The following SH2D4A variants were observed in gnomAD, a reference collection of about 807,000 sequenced individuals.
SH2D4A encodes the protein SH2 domain-containing protein 4A.
Under a neutral mutation model 64.7 loss-of-function variants are expected in SH2D4A, and 70 were observed. That is an observed-to-expected ratio of 1.08 (90% CI 0.89 to 1.32). The LOEUF (loss-of-function observed/expected upper bound fraction) is 1.32, where lower values mean the gene tolerates loss of function less well. Among genes scored for constraint, SH2D4A ranks in the 40% most tolerant of loss-of-function variants. The pLI, the probability that SH2D4A is intolerant of heterozygous loss-of-function variation, is 0.00. For missense variants in SH2D4A, 706 were observed against 540.1 expected (o/e 1.31, Z -3.04); for synonymous variants, 268 against 200.7 (o/e 1.34, Z -2.83).
At chr8:19,339,716 G>T (rs2052497682) in intron 4 of SH2D4A, among the ~76,000 whole-genome samples, 1 of 151,952 alleles carries the variant, frequency 6.6e-6, no homozygotes, top group Non-Finnish European at 1.5e-5. Context: ...GCCCAGGCTG[G>T]TCTTAAACTC....
At chr8:19,350,397 C>T (rs142138197) in intron 4 of SH2D4A, among the ~76,000 whole-genome samples, 12 of 152,314 alleles carry the variant, frequency 7.9e-5, no homozygotes, top group Admixed American at 5.2e-4. Context: ...TATTGTTCAT[C>T]GAATATGACT....
intron 4 of SH2D4A, among the ~76,000 whole-genome samples, chr8:19,346,650 C>CA (rs1404990426): frequency 6.6e-6 from 1 of 152,132 alleles, no homozygotes; most frequent in South Asian, 2.1e-4. Flanking sequence ...TCGCCGATGC[C>CA]AAAAAGGTAG....
Position 19,331,572 on chromosome 8 carries a change from AG to A in SH2D4A, c.182-1380del, listed in dbSNP as rs2052365729. ...CTAACCTGGAGGCCAATTGTAAACA[AG>A]GGTTATTTAAGTAGCTTCACCAAGT... On this transcript the variant is annotated intron_variant, in intron 2 of 9. Transcript: ENST00000265807. Among the ~76,000 whole-genome samples, 19 of 152,328 alleles carry A rather than the reference AG, an allele frequency of 1.2e-4. No individual in the cohort carries two copies. In the South Asian group the frequency reaches 3.9e-3, roughly 32 times the overall value.
chr8:19,343,056 C>T (rs978316009), intron 4 of SH2D4A, among the ~76,000 whole-genome samples: 1 of 152,148 alleles, frequency 6.6e-6, no homozygotes, highest in African/African-American at 2.4e-5. Context: ...TGTATTTGTA[C>T]TGCTGGACTG....
intron 7 of SH2D4A, among the ~76,000 whole-genome samples, chr8:19,370,321 A>G (rs1250259008): frequency 6.6e-6 from 1 of 152,050 alleles, no homozygotes; most frequent in Non-Finnish European, 1.5e-5. Flanking sequence ...TGATCTGTTC[A>G]TTGTAGAAAG....
intron 2 of SH2D4A, among the ~76,000 whole-genome samples, chr8:19,324,448 A>C (rs1695758485): frequency 6.6e-6 from 1 of 152,192 alleles, no homozygotes; most frequent in Non-Finnish European, 1.5e-5. Flanking sequence ...TGCCATTGAC[A>C]GTGTTTGCCT....
chr8:19,325,491 C>G (rs1364639808), intron 2 of SH2D4A, among the ~76,000 whole-genome samples: 6 of 152,212 alleles, frequency 3.9e-5, no homozygotes, highest in Non-Finnish European at 8.8e-5. Context: ...CTGAGCCCCA[C>G]TTTTCTGTTC....
At chr8:19,391,695 C>G (rs1299008175) in intron 8 of SH2D4A, among the ~76,000 whole-genome samples, 1 of 152,062 alleles carries the variant, frequency 6.6e-6, no homozygotes, top group African/African-American at 2.4e-5. Flanking sequence ...ATGATCTTGG[C>G]TAGAAGAAAA....
intron 5 of SH2D4A, among the ~76,000 whole-genome samples, chr8:19,358,686 G>A (rs1270660475): frequency 6.6e-6 from 1 of 152,170 alleles, no homozygotes; most frequent in Non-Finnish European, 1.5e-5. Context: ...GTAGAACAAA[G>A]GTGATAAAAC....
At chr8:19,382,896 T>C (rs2053321755) in intron 8 of SH2D4A, among the ~76,000 whole-genome samples, 1 of 145,546 alleles carries the variant, frequency 6.9e-6, no homozygotes, top group South Asian at 2.3e-4. Flanking sequence ...AGTGGAGTGA[T>C]CTTGACTCGC....
chr8:19,357,937 G>A (rs1037448901), intron 5 of SH2D4A, among the ~76,000 whole-genome samples: 15 of 152,138 alleles, frequency 9.9e-5, no homozygotes, highest in Middle Eastern at 6.8e-3. Flanking sequence ...TCCTGAGATC[G>A]GGCTGTGGTG....
At position 19,336,444 on chromosome 8, in the gene SH2D4A, C is replaced by T. The variant is rs141730421; in HGVS notation, c.513+1587C>T. Among the ~76,000 whole-genome samples, 386 of 152,192 alleles carry T rather than the reference C, an allele frequency of 2.5e-3. 3 individuals are homozygous for T. The highest frequency in any genetic ancestry group is 8.8e-3 in the African/African-American group (367 of 41,512). On this transcript the variant is annotated intron_variant, in intron 4 of 9. Transcript: ENST00000265807. ...TCCTCATTGAGGCCTCCCGTCCTCC[C>T]CAGGTGTGCTTTGCACTCAGCATGT...
At chr8:19,372,448 G>T (rs149084652) in intron 7 of SH2D4A, among the ~76,000 whole-genome samples, 43 of 152,266 alleles carry the variant, frequency 2.8e-4, no homozygotes, top group African/African-American at 8.2e-4. Flanking sequence ...GTGCATCCCT[G>T]CAGGGAATGG....
intron 8 of SH2D4A, among the ~76,000 whole-genome samples, chr8:19,389,226 C>T (rs1585214927): frequency 6.6e-6 from 1 of 152,328 alleles, no homozygotes; most frequent in Non-Finnish European, 1.5e-5. Flanking sequence ...CAACCAGAGC[C>T]TGCTGGTGTT....
At chr8:19,390,556 A>G (rs2053474754) in intron 8 of SH2D4A, among the ~76,000 whole-genome samples, 1 of 152,196 alleles carries the variant, frequency 6.6e-6, no homozygotes. Flanking sequence ...CAAACTGTAC[A>G]TTGACCTGTG....
intron 8 of SH2D4A, among the ~76,000 whole-genome samples, chr8:19,385,641 C>A (rs767469177): frequency 7.2e-5 from 11 of 152,182 alleles, no homozygotes; most frequent in Non-Finnish European, 1.6e-4. Context: ...GTGTCCCACT[C>A]CTCCCAACTT....
At chr8:19,340,411 A>C (rs1449156779) in intron 4 of SH2D4A, among the ~76,000 whole-genome samples, 1 of 152,136 alleles carries the variant, frequency 6.6e-6, no homozygotes. Context: ...ACAAGGTAGC[A>C]TGACCCAGGT....
rs2052155047 is a variant in SH2D4A, at chr8:19,319,723, A to T, written c.176A>T (p.Lys59Met). The change falls in exon 2 of 10, where the codon AAG becomes ATG. Residue 59 changes from lysine (K) to methionine (M), a missense_variant. By Grantham distance (95) the Lys-to-Met change is moderately conservative (BLOSUM62 -1). Coordinates refer to ENST00000265807, the MANE Select transcript of SH2D4A (RefSeq NM_022071.4). ...TCCCTGCCAGTGAAACCCAGACCAA[A>T]GAAAGGTAAACTTATCCACGTTTCT... is the stretch of plus-strand genomic sequence containing the variant. ...KESLPVKPRPKKENGKSVHWK... is the reference protein window; with the variant it reads ...KESLPVKPRPMKENGKSVHWK... 1 of 1,579,300 alleles carries T rather than the reference A, an allele frequency of 6.3e-7. No individual in the cohort carries two copies. The highest frequency in any genetic ancestry group is 8.6e-7 in the Non-Finnish European group (1 of 1,166,934).
intron 4 of SH2D4A, among the ~76,000 whole-genome samples, chr8:19,340,601 C>CTTTTTTTTTTT (rs535915285): frequency 9.0e-5 from 9 of 100,496 alleles, no homozygotes; most frequent in African/African-American, 1.2e-4. Flanking sequence ...TTCTTTCTTT[C>CTTTTTTTTTTT]TTTTTTTTTT....
Sources: allele counts gnomAD v4.1 joint callset (sites outside exome capture counted in the v4.1 genomes callset), GRCh38; gene constraint gnomAD v4.1.1; transcripts MANE v1.5; gene names NCBI Gene and HGNC (gene_info 2026-07-23, HGNC 2026-07-21).